The following MSH5 variants were observed in gnomAD, a reference collection of about 807,000 sequenced individuals.
The protein encoded by MSH5 is mutS homolog 5, also known as mutS protein homolog 5.
Under a neutral mutation model 107.7 loss-of-function variants are expected in MSH5, and 78 were observed. The ratio of observed to expected loss-of-function variants is 0.72; its 90% CI spans 0.60 to 0.87. MSH5 has a LOEUF of 0.87. Ranked by LOEUF, MSH5 falls within the 40% of genes least tolerant of loss-of-function variation. The pLI, the probability that MSH5 is intolerant of heterozygous loss-of-function variation, is 0.00. For synonymous variants in MSH5, 326 were observed against 399.5 expected, an observed-to-expected ratio of 0.82 and a Z score of 2.19; for missense variants, 889 against 1,046.6, an observed-to-expected ratio of 0.85 and a Z score of 2.08.
intron 12 of MSH5, among the ~76,000 whole-genome samples, chr6:31,755,596 A>G (rs981299447): frequency 6.6e-6 from 1 of 152,080 alleles, no homozygotes; most frequent in African/African-American, 2.4e-5. Context: ...TCCCGACCTC[A>G]GATGATCTGC....
chr6:31,742,157 A>G (rs1391021600), intron 3 of MSH5, among the ~76,000 whole-genome samples: 2 of 151,958 alleles, frequency 1.3e-5, no homozygotes. Flanking sequence ...TATAGCACTG[A>G]CTCAATATAT....
At position 31,761,307 on chromosome 6, in the gene MSH5, TGGA is replaced by T. The variant is rs1810969860; in HGVS notation, c.2037+52_2037+54del. On this transcript the variant is annotated intron_variant, in intron 21 of 24. Coordinates refer to ENST00000375750, the MANE Select transcript of MSH5 (RefSeq NM_172166.4). The surrounding 1 kb of genome is among the most constrained non-coding windows in gnomAD (Gnocchi z 5.3). Reference sequence around the variant, plus strand: ...AGGGGAGAAACTAAGGAGGGGAAAATGGAGGAGGATGAAGGAGCATGACAGTGA... The same window carrying T: ...AGGGGAGAAACTAAGGAGGGGAAAATGGAGGATGAAGGAGCATGACAGTGA... 1.2e-6 allele frequency: 2 copies of T among 1,608,906 alleles called. No individual in the cohort carries two copies. Among genetic ancestry groups the T allele is most frequent in the Non-Finnish European group, 1.7e-6 (2 of 1,177,200 alleles).
At chr6:31,747,350 C>A in intron 9 of MSH5, 37 bp from the exon 10 acceptor site, 1 of 1,610,154 alleles carries the variant, frequency 6.2e-7, no homozygotes, top group Non-Finnish European at 8.5e-7. Context: ...CTGTCCCTGC[C>A]TTGTAACAAG....
intron 24 of MSH5, 60 bp downstream of exon 24, chr6:31,762,245 C>T (rs1351852220): frequency 6.4e-7 from 1 of 1,570,018 alleles, no homozygotes; most frequent in South Asian, 1.1e-5. Context: ...ACTCTTCTCC[C>T]CTTTTCAGGG....
At position 31,759,896 on chromosome 6, in the gene MSH5, G is replaced by T; in HGVS notation, c.1606G>T (p.Ala536Ser). ...CCGCCTGGACGTCCTGCTGGCTCTT[G>T]CCAGTGCTGCCCGGGACTATGGCTA... ...ASRLDVLLAL[A>S]SAARDYGYSR... Residue 536 changes from alanine (A) to serine (S), a missense_variant, in exon 18 of 25, where the codon GCC (alanine) becomes TCC (serine). Transcript: ENST00000375750. This position sits in a 1 kb window ranked among gnomAD's most constrained non-coding sequence, Gnocchi z 4.7. 1.9e-6 allele frequency: 3 copies of T among 1,614,156 alleles called. No homozygotes were observed. The highest frequency in any genetic ancestry group is 2.5e-6 in the Non-Finnish European group (3 of 1,180,026).
At position 31,762,601 on chromosome 6, in the gene MSH5, T is replaced by A; in HGVS notation, c.*70T>A. Reference sequence around the variant, plus strand: ...CTGCCATGCCCTCTTTGTTTCCTTATCTCCCTCAGACGCAGAGTTTTTAGT... The same window carrying A: ...CTGCCATGCCCTCTTTGTTTCCTTAACTCCCTCAGACGCAGAGTTTTTAGT... On this transcript the variant is annotated 3_prime_UTR_variant, in exon 25 of 25. Transcript: ENST00000375750. 1.1e-6 allele frequency: 1 copy of A among 926,858 alleles called. No homozygotes were observed. The highest frequency in any genetic ancestry group is 1.7e-6 in the Non-Finnish European group (1 of 577,332). The allele number at this position is 926,858 out of a possible 1,614,324, so 57.4% of individuals were successfully genotyped here. A position where few individuals can be genotyped will look rare whatever the true frequency, so the allele number is the denominator to read the frequency against.
chr6:31,742,718 C>T (rs1052373238), intron 3 of MSH5, among the ~76,000 whole-genome samples, 159 bp from the exon 4 acceptor site: 1 of 152,182 alleles, frequency 6.6e-6, no homozygotes, highest in African/African-American at 2.4e-5. Flanking sequence ...TTTTCTAAAT[C>T]TCAACTTCTA....
intron 9 of MSH5, among the ~76,000 whole-genome samples, chr6:31,745,900 T>C (rs1434960692): frequency 6.6e-6 from 1 of 151,248 alleles, no homozygotes; most frequent in African/African-American, 2.4e-5. Context: ...CCTGAGTAGC[T>C]AGGACTACAG....
chr6:31,741,051 T>G, intron 2 of MSH5, 112 bp from the exon 3 acceptor site: 2 of 1,343,778 alleles, frequency 1.5e-6, no homozygotes, highest in Non-Finnish European at 1.0e-6. Flanking sequence ...TAAATGGGGG[T>G]GATGATGCCT....
At chr6:31,752,284 C>A (rs1394237126) in intron 10 of MSH5, among the ~76,000 whole-genome samples, 2 of 151,128 alleles carry the variant, frequency 1.3e-5, no homozygotes, top group African/African-American at 2.4e-5. Context: ...ACTAAAAATA[C>A]AAAAATTAGC....
intron 10 of MSH5, among the ~76,000 whole-genome samples, chr6:31,750,220 A>G (rs1809825480): frequency 6.6e-6 from 1 of 152,248 alleles, no homozygotes; most frequent in Non-Finnish European, 1.5e-5. Context: ...ATATTTCTGT[A>G]TACGAATTTA....
At chr6:31,741,127 T>G in intron 2 of MSH5, 36 bp from the exon 3 acceptor site, 4 of 1,611,576 alleles carry the variant, frequency 2.5e-6, no homozygotes, top group Non-Finnish European at 3.4e-6. Flanking sequence ...TTATGAGTGA[T>G]TCTAATAGTG....
chr6:31,754,403 G>A (rs1810256822), intron 12 of MSH5, among the ~76,000 whole-genome samples: 1 of 152,306 alleles, frequency 6.6e-6, no homozygotes, highest in African/African-American at 2.4e-5. Context: ...GCCCATCTCG[G>A]CCTCCCAAAG....
chr6:31,753,139 C>T, intron 10 of MSH5, 162 bp from the exon 11 acceptor site: 1 of 838,046 alleles, frequency 1.2e-6, no homozygotes, highest in Non-Finnish European at 1.9e-6. Flanking sequence ...CATGTAAACA[C>T]ACCTGAATGG....
chr6:31,760,582 CT>C lies in MSH5; in HGVS notation c.1813-107del. 1 of 1,405,738 alleles carries C rather than the reference CT, an allele frequency of 7.1e-7. No homozygotes were observed. The highest frequency in any genetic ancestry group is 2.3e-5 in the East Asian group (1 of 43,734). The allele number at this position is 1,405,738 out of a possible 1,614,324, so 87.1% of individuals were successfully genotyped here. On this transcript the variant is annotated intron_variant, in intron 19 of 24. Transcript: ENST00000375750. The surrounding 1 kb of genome is among the most constrained non-coding windows in gnomAD (Gnocchi z 5.6). ...TCAGTGTGTCTGTTACCTATTTCTCCTGTTTCACCCTGTCCATTTCTCTTTG... is the reference window on the plus strand; with the variant it reads ...TCAGTGTGTCTGTTACCTATTTCTCCGTTTCACCCTGTCCATTTCTCTTTG...
chr6:31,749,222 CTT>C (rs911020362), intron 10 of MSH5, among the ~76,000 whole-genome samples: 20 of 152,172 alleles, frequency 1.3e-4, no homozygotes, highest in African/African-American at 4.8e-4. Flanking sequence ...CCTGGAAAGT[CTT>C]TTCCTTGTTC....
rs759430340 is a variant in MSH5, at chr6:31,760,186, C to T, written c.1782C>T (p.Asn594=). ...KGRVKVITGP[N]SSGKSIYLKQ... Reference sequence around the variant, plus strand: ...GGGTCAAAGTCATCACTGGACCCAACTCATCAGGGAAGAGCATATACCTCA... The same window carrying T: ...GGGTCAAAGTCATCACTGGACCCAATTCATCAGGGAAGAGCATATACCTCA... Residue 594 remains asparagine, a synonymous_variant, in exon 19 of 25, where the codon AAC becomes AAT. Coordinates refer to ENST00000375750, the MANE Select transcript of MSH5 (RefSeq NM_172166.4). This position sits in a 1 kb window ranked among gnomAD's most constrained non-coding sequence, Gnocchi z 5.6. The T allele has an allele frequency of 6.2e-7, 1 of 1,611,192 alleles. No individual in the cohort carries two copies. Among genetic ancestry groups the T allele is most frequent in the African/African-American group, 1.3e-5 (1 of 74,954 alleles).
chr6:31,750,307 G>A (rs1227255112), intron 10 of MSH5, among the ~76,000 whole-genome samples: 1 of 152,254 alleles, frequency 6.6e-6, no homozygotes, highest in East Asian at 1.9e-4. Flanking sequence ...GGTGGCTCAC[G>A]CCTATAATCC....
intron 10 of MSH5, 161 bp from the exon 11 acceptor site, chr6:31,753,139 CA>C: frequency 1.2e-6 from 1 of 838,046 alleles, no homozygotes; most frequent in Non-Finnish European, 1.9e-6. Flanking sequence ...CATGTAAACA[CA>C]CCTGAATGGG....
Sources: allele counts gnomAD v4.1 joint callset (sites outside exome capture counted in the v4.1 genomes callset), GRCh38; gene constraint gnomAD v4.1.1; non-coding constraint Gnocchi (gnomAD v3.1); transcripts MANE v1.5; gene names NCBI Gene and HGNC (gene_info 2026-07-23, HGNC 2026-07-21).